ZZEF1: variants seen among roughly 807,000 people sequenced by gnomAD.
ZZEF1 encodes the protein zinc finger ZZ-type and EF-hand domain-containing protein 1.
Under a neutral mutation model 342.8 loss-of-function variants are expected in ZZEF1, and 157 were observed. The observed-to-expected ratio is 0.46, with a 90% CI of 0.40 to 0.52. The LOEUF (loss-of-function observed/expected upper bound fraction) is 0.52, where lower values mean the gene tolerates loss of function less well. ZZEF1 is among the 20% of genes least tolerant of loss of function. ZZEF1 has a pLI of 0.00. For missense variants in ZZEF1, 3,480 were observed against 3,725.6 expected (o/e 0.93, Z 1.72); for synonymous variants, 1,505 against 1,429.1 (o/e 1.05, Z -1.20).
At chr17:4,063,301 A>C (rs888264269) in intron 29 of ZZEF1, among the ~76,000 whole-genome samples, 10 of 152,248 alleles carry the variant, frequency 6.6e-5, no homozygotes, top group African/African-American at 2.4e-4. Context: ...GGAAAATATC[A>C]AATCCTGGCT....
intron 6 of ZZEF1, among the ~76,000 whole-genome samples, chr17:4,106,226 G>A (rs1254868635): frequency 1.3e-5 from 2 of 152,188 alleles, no homozygotes; most frequent in Admixed American, 6.5e-5. Context: ...GATTACAGGT[G>A]TAAGCCACCG....
Position 4,016,427 on chromosome 17 carries a change from G to C in ZZEF1, c.8041C>G (p.Leu2681Val). The change falls in exon 49 of 55, where the codon CTG becomes GTG. Residue 2681 changes from leucine to valine, a missense_variant. This residue lies in a region of ZZEF1 where 1,269 missense variants were observed against 1,342.4 expected (regional missense o/e 0.95). Coordinates refer to ENST00000381638, the MANE Select transcript of ZZEF1 (RefSeq NM_015113.4). The surrounding 1 kb of genome is among the most constrained non-coding windows in gnomAD (Gnocchi z 4.4). ...KVLQGCREDM[L>V]GTMALAACQF... Reference sequence around the variant, plus strand: ...CATGCAGCCAGGGCCATGGTCCCCAGCATGTCCTCTCGGCAGCCCTGGAGC... The same window carrying C: ...CATGCAGCCAGGGCCATGGTCCCCACCATGTCCTCTCGGCAGCCCTGGAGC... 3.1e-6 allele frequency: 5 copies of C among 1,613,896 alleles called. No individual in the cohort carries two copies. The highest frequency in any genetic ancestry group is 1.1e-5 in the South Asian group (1 of 91,082).
rs764233105 is a variant in ZZEF1, at chr17:4,092,076, C to CAAAAAA, written c.1914-1252_1914-1247dup. On this transcript the variant is annotated intron_variant, in intron 11 of 54. Coordinates refer to ENST00000381638, the MANE Select transcript of ZZEF1 (RefSeq NM_015113.4). ...GGGCAACAAGAGCGAAACTCCACCTCAAAAAAAAAAAAAATAATAAAAATA... is the reference window on the plus strand; with the variant it reads ...GGGCAACAAGAGCGAAACTCCACCTCAAAAAAAAAAAAAAAAAAAATAATAAAAATA... Among the ~76,000 whole-genome samples, 15 of 29,690 alleles carry CAAAAAA rather than the reference C, an allele frequency of 5.1e-4. No individual in the cohort carries two copies. The East Asian group carries it at 9.2e-3, about 18-fold the overall frequency. The allele number at this position is 29,690 out of a possible 152,430, so 19.5% of individuals were successfully genotyped here.
intron 6 of ZZEF1, 90 bp downstream of exon 6, chr17:4,109,563 T>C (rs1435288169): frequency 4.3e-6 from 6 of 1,411,600 alleles, no homozygotes; most frequent in Non-Finnish European, 5.9e-6. Context: ...CAACGATCAA[T>C]GATGGAAGGC....
chr17:4,111,758 G>GTT (rs1218636400), intron 5 of ZZEF1, among the ~76,000 whole-genome samples: 3 of 112,960 alleles, frequency 2.7e-5, no homozygotes, highest in South Asian at 2.6e-4. Flanking sequence ...TTATATATAT[G>GTT]TTTATATATA....
At chr17:4,133,274 A>G (rs970012874) in intron 1 of ZZEF1, among the ~76,000 whole-genome samples, 2 of 139,292 alleles carry the variant, frequency 1.4e-5, no homozygotes, top group African/African-American at 2.5e-5. Context: ...TTTATTCCTC[A>G]TAACAGTAAC....
intron 52 of ZZEF1, among the ~76,000 whole-genome samples, chr17:4,011,695 CTTT>C (rs200732902): frequency 6.6e-6 from 1 of 151,440 alleles, no homozygotes; most frequent in South Asian, 2.1e-4. Flanking sequence ...TTGGATTTTG[CTTT>C]TTTTTAAAAA....
intron 49 of ZZEF1, among the ~76,000 whole-genome samples, chr17:4,015,949 G>A (rs2056088993): frequency 1.3e-5 from 2 of 152,292 alleles, no homozygotes; most frequent in African/African-American, 4.8e-5. Context: ...GTGGGGGCAG[G>A]TCATGAGGTG....
At chr17:4,060,210 T>C (rs2057254399) in intron 30 of ZZEF1, among the ~76,000 whole-genome samples, 1 of 152,214 alleles carries the variant, frequency 6.6e-6, no homozygotes, top group African/African-American at 2.4e-5. Flanking sequence ...AATGATCAAA[T>C]AAGCCCTCAA....
At chr17:4,099,130 G>A (rs2058085516) in intron 9 of ZZEF1, among the ~76,000 whole-genome samples, 1 of 151,490 alleles carries the variant, frequency 6.6e-6, no homozygotes, top group East Asian at 1.9e-4. Context: ...CATTTTTTCA[G>A]AAAGGCAAAA....
At position 4,090,845 on chromosome 17, in the gene ZZEF1, G is replaced by T; in HGVS notation, c.1914-15C>A. On this transcript the variant is annotated splice_polypyrimidine_tract_variant and intron_variant, in intron 11 of 54. Coordinates refer to ENST00000381638, the MANE Select transcript of ZZEF1 (RefSeq NM_015113.4). ...AGCAACCAATCCTGTAAAGACAAGA[G>T]TATTCACAAAACATTTTATTTTGAA... is the stretch of plus-strand genomic sequence containing the variant. 6.3e-7 allele frequency: 1 copy of T among 1,598,112 alleles called. No homozygotes were observed.
chr17:4,047,401 T>C (rs1026528917), intron 37 of ZZEF1, among the ~76,000 whole-genome samples: 18 of 152,088 alleles, frequency 1.2e-4, no homozygotes, highest in African/African-American at 3.9e-4. Flanking sequence ...TCCTAGCACT[T>C]TGGGTGACTG....
At chr17:4,009,138 G>C (rs1052630857) in intron 53 of ZZEF1, 184 bp from the exon 54 acceptor site, 1 of 720,756 alleles carries the variant, frequency 1.4e-6, no homozygotes, top group Non-Finnish European at 2.2e-6. Context: ...GCCCGGTGCC[G>C]GGGTCACCTT....
rs1351472773 is a variant in ZZEF1, at chr17:4,059,302, G to A, written c.4884-12C>T. ...GGTGTCCAAAATAACTAGAAACAGA[G>A]GAAATCACTGATTCACTTAATTGCC... On this transcript the variant is annotated splice_polypyrimidine_tract_variant and intron_variant, in intron 30 of 54. Transcript: ENST00000381638. 6.3e-7 allele frequency: 1 copy of A among 1,588,718 alleles called. No homozygotes were observed. Among genetic ancestry groups the A allele is most frequent in the Non-Finnish European group, 8.5e-7 (1 of 1,174,526 alleles).
intron 39 of ZZEF1, among the ~76,000 whole-genome samples, chr17:4,039,051 G>T (rs2056739602): frequency 6.7e-6 from 1 of 150,362 alleles, no homozygotes; most frequent in Non-Finnish European, 1.5e-5. Context: ...AAAAAAAAAA[G>T]ATTATTAGGG....
At chr17:4,075,748 A>C (rs2057599730) in intron 21 of ZZEF1, among the ~76,000 whole-genome samples, 1 of 152,018 alleles carries the variant, frequency 6.6e-6, no homozygotes, top group South Asian at 2.1e-4. Flanking sequence ...TGAGGAGTTT[A>C]AAGACCTCAC....
At chr17:4,058,840 C>A (rs561020029) in intron 31 of ZZEF1, among the ~76,000 whole-genome samples, 2 of 152,300 alleles carry the variant, frequency 1.3e-5, no homozygotes, top group East Asian at 3.9e-4. Flanking sequence ...TGAGTCACTG[C>A]ACTCTAGCCT....
intron 6 of ZZEF1, among the ~76,000 whole-genome samples, chr17:4,107,129 C>T (rs1273332062): frequency 6.6e-6 from 1 of 152,136 alleles, no homozygotes; most frequent in Non-Finnish European, 1.5e-5. Flanking sequence ...ATATTCTTTT[C>T]CTTACCTATT....
At chr17:4,024,848 T>A in intron 43 of ZZEF1, 71 bp downstream of exon 43, 2 of 1,438,214 alleles carry the variant, frequency 1.4e-6, no homozygotes, top group Middle Eastern at 1.8e-4. Context: ...TGGCATTTCC[T>A]CCTAGTTAAT....
Sources: gnomAD v4.1 joint callset for allele counts (sites outside exome capture counted in the v4.1 genomes callset) on GRCh38, gnomAD v4.1.1 for gene constraint, gnomAD v4.1.1 regional missense constraint, Gnocchi (gnomAD v3.1) non-coding constraint, MANE v1.5 for transcripts, NCBI Gene and HGNC (gene_info 2026-07-23, HGNC 2026-07-21) for gene names.